The following CA10 variants were observed in gnomAD, a reference collection of about 807,000 sequenced individuals.
The protein encoded by CA10 is carbonic anhydrase 10 (inactive), also known as carbonic anhydrase-related protein 10.
In CA10, 14 loss-of-function variants were observed where a neutral mutation model predicts 44.2. The ratio of observed to expected loss-of-function variants is 0.32; its 90% CI spans 0.21 to 0.50. The LOEUF is 0.50. CA10 is among the 20% of genes least tolerant of loss of function. The pLI, the probability that CA10 is intolerant of heterozygous loss-of-function variation, is 0.99. For synonymous variants in CA10, 159 were observed against 141.6 expected, an observed-to-expected ratio of 1.12 and a Z score of -0.87; for missense variants, 350 against 409.7, an observed-to-expected ratio of 0.85 and a Z score of 1.26.
chr17:51,912,314 T>C (rs1051241856), intron 3 of CA10, among the ~76,000 whole-genome samples: 34 of 152,158 alleles, frequency 2.2e-4, no homozygotes, highest in Non-Finnish European at 1.6e-4. Context: ...CTTACCACCA[T>C]TTTAAAATAT....
At position 52,155,114 on chromosome 17, in the gene CA10, A is replaced by G. The variant is rs185865203; in HGVS notation, c.61+2612T>C. Among the ~76,000 whole-genome samples, 15 of 152,356 alleles carry G rather than the reference A, an allele frequency of 9.8e-5. 1 individual carries two copies. The highest frequency in any genetic ancestry group is 9.8e-4 in the Admixed American group (15 of 15,310). On this transcript the variant is annotated intron_variant, in intron 1 of 8. Coordinates refer to ENST00000451037, the MANE Select transcript of CA10 (RefSeq NM_020178.5). ...TCCTTCTGTAAAGTGTTTAGACTAC[A>G]GACTTTTACTAGCCTTTTCCAGCCT...
intron 2 of CA10, among the ~76,000 whole-genome samples, chr17:52,058,892 G>A (rs892296137): frequency 2.6e-5 from 4 of 152,206 alleles, no homozygotes; most frequent in Admixed American, 6.5e-5. Context: ...ACTCAACTGC[G>A]AGCTCTTAAG....
intron 1 of CA10, among the ~76,000 whole-genome samples, chr17:52,130,917 A>G (rs1009584789): frequency 2.0e-5 from 3 of 152,158 alleles, no homozygotes; most frequent in African/African-American, 7.2e-5. Flanking sequence ...CACCATGGTG[A>G]CTATAGTGAA....
intron 4 of CA10, among the ~76,000 whole-genome samples, chr17:51,703,350 A>T (rs1915660547): frequency 6.6e-6 from 1 of 152,014 alleles, no homozygotes; most frequent in African/African-American, 2.4e-5. Flanking sequence ...TTCCATGATA[A>T]TATCTTTCCA....
At chr17:52,066,083 T>C (rs1443296628) in intron 2 of CA10, among the ~76,000 whole-genome samples, 4 of 152,172 alleles carry the variant, frequency 2.6e-5, no homozygotes, top group Non-Finnish European at 4.4e-5. Context: ...CAATTAAACT[T>C]GATATCTTTA....
chr17:51,989,056 T>C (rs1171718373), intron 2 of CA10, among the ~76,000 whole-genome samples: 4 of 151,952 alleles, frequency 2.6e-5, no homozygotes, highest in Non-Finnish European at 5.9e-5. Flanking sequence ...TTCTTCAAAA[T>C]ATGGTTCACA....
At chr17:51,937,886 G>A (rs1349736010) in intron 2 of CA10, among the ~76,000 whole-genome samples, 1 of 152,028 alleles carries the variant, frequency 6.6e-6, no homozygotes, top group Non-Finnish European at 1.5e-5. Context: ...ATTGCTTTAG[G>A]TGTGTTTTTA....
In CA10 at chr17:51,653,733, G is replaced by T; in HGVS notation, c.469C>A (p.Gln157Lys). The T allele has an allele frequency of 6.3e-7, 1 of 1,591,682 alleles. No homozygotes were observed. The highest frequency in any genetic ancestry group is 8.6e-7 in the Non-Finnish European group (1 of 1,159,680). ...AGCTCATGGTTATAGTGGATGAGCT[G>T]CACCTGGCAGGAGGGAAAAACAAGA... ...LNGQAFSGEV[Q>K]LIHYNHELYT... Residue 157 changes from glutamine (Q) to lysine (K), a missense_variant, in exon 5 of 9, where the codon CAG becomes AAG. By Grantham distance (53) the Gln-to-Lys change is moderately conservative (BLOSUM62 1). Coordinates refer to ENST00000451037, the MANE Select transcript of CA10 (RefSeq NM_020178.5).
intron 3 of CA10, among the ~76,000 whole-genome samples, chr17:51,803,772 T>A (rs1907024909): frequency 6.6e-6 from 1 of 152,234 alleles, no homozygotes; most frequent in South Asian, 2.1e-4. Context: ...TACTTTTCAA[T>A]GGTTTTCACT....
chr17:51,745,229 C>A (rs1023190383), intron 4 of CA10, among the ~76,000 whole-genome samples: 1 of 151,978 alleles, frequency 6.6e-6, no homozygotes, highest in South Asian at 2.1e-4. Flanking sequence ...ATAATTCAGG[C>A]GGAGTTTCAC....
chr17:51,639,286 A>G (rs1912975790), intron 6 of CA10, among the ~76,000 whole-genome samples: 1 of 152,132 alleles, frequency 6.6e-6, no homozygotes, highest in East Asian at 1.9e-4. Flanking sequence ...TTATTATTGC[A>G]TTTTATTTTA....
intron 3 of CA10, among the ~76,000 whole-genome samples, chr17:51,817,651 G>T (rs1284180915): frequency 6.6e-6 from 1 of 152,110 alleles, no homozygotes; most frequent in Admixed American, 6.6e-5. Flanking sequence ...TGCATACATG[G>T]GTTTGTTTCC....
chr17:51,652,623 A>G (rs1052151319), intron 5 of CA10, among the ~76,000 whole-genome samples: 15 of 152,234 alleles, frequency 9.9e-5, no homozygotes, highest in African/African-American at 3.4e-4. Flanking sequence ...GGGGCATGGC[A>G]TGGATGACCA....
At chr17:52,008,390 G>A (rs938762455) in intron 2 of CA10, among the ~76,000 whole-genome samples, 9 of 151,746 alleles carry the variant, frequency 5.9e-5, no homozygotes, top group African/African-American at 1.7e-4. Context: ...AGAAGATAAC[G>A]TATTAGACAA....
At chr17:51,794,411 G>T (rs1906633188) in intron 3 of CA10, among the ~76,000 whole-genome samples, 1 of 152,120 alleles carries the variant, frequency 6.6e-6, no homozygotes, top group Non-Finnish European at 1.5e-5. Flanking sequence ...AGGTGGATGC[G>T]GAGACTACGT....
intron 2 of CA10, among the ~76,000 whole-genome samples, chr17:51,938,498 A>T (rs1021966333): frequency 5.9e-5 from 9 of 152,096 alleles, no homozygotes. Context: ...ATGTGCATTT[A>T]TTTCTTGGAT....
chr17:52,131,493 T>C (rs1989238739), intron 1 of CA10, among the ~76,000 whole-genome samples: 1 of 152,178 alleles, frequency 6.6e-6, no homozygotes, highest in South Asian at 2.1e-4. Flanking sequence ...CAGAAAGTAT[T>C]TTTGCCTAAC....
At chr17:51,634,812 T>A (rs189004652) in intron 7 of CA10, among the ~76,000 whole-genome samples, 8 of 152,354 alleles carry the variant, frequency 5.3e-5, no homozygotes, top group Non-Finnish European at 8.8e-5. Context: ...GGAATCTATT[T>A]AACTTTTTAA....
intron 2 of CA10, among the ~76,000 whole-genome samples, chr17:51,944,408 A>G (rs1983197296): frequency 6.6e-6 from 1 of 152,154 alleles, no homozygotes; most frequent in African/African-American, 2.4e-5. Flanking sequence ...CCCTCACCTT[A>G]TGGGAAGAGA....
Sources: allele counts gnomAD v4.1 joint callset (sites outside exome capture counted in the v4.1 genomes callset), GRCh38; gene constraint gnomAD v4.1.1; transcripts MANE v1.5; gene names NCBI Gene and HGNC (gene_info 2026-07-23, HGNC 2026-07-21).